PFKL: variants seen among roughly 807,000 people sequenced by gnomAD.
The protein encoded by PFKL is phosphofructokinase, liver type, also known as ATP-dependent 6-phosphofructokinase, liver type.
PFKL carries 74 observed loss-of-function variants against 92.1 expected under a neutral mutation model. The ratio of observed to expected loss-of-function variants is 0.80; its 90% CI spans 0.67 to 0.97. The LOEUF (loss-of-function observed/expected upper bound fraction) is 0.97, where lower values mean the gene tolerates loss of function less well. Ranked by LOEUF, PFKL falls within the 50% of genes least tolerant of loss-of-function variation. PFKL has a pLI of 0.00. For synonymous variants in PFKL, 494 were observed against 456.4 expected (o/e 1.08, Z -1.05); for missense variants, 1,028 against 1,116.6 (o/e 0.92, Z 1.13).
At chr21:44,324,791 C>G in intron 17 of PFKL, 65 bp from the exon 18 acceptor site, 1 of 1,583,784 alleles carries the variant, frequency 6.3e-7, no homozygotes, top group Admixed American at 1.7e-5. Flanking sequence ...GGCCCCGGAT[C>G]GCCGGTCAGC....
intron 2 of PFKL, chr21:44,307,371 A>G: frequency 1.1e-6 from 1 of 920,486 alleles, no homozygotes; most frequent in Non-Finnish European, 1.3e-6. Context: ...GTGCACACAC[A>G]GGCGCATTCA....
At chr21:44,304,206 C>G in intron 1 of PFKL, 1 of 1,287,870 alleles carries the variant, frequency 7.8e-7, no homozygotes, top group South Asian at 1.2e-5. Context: ...GCAGAGCACC[C>G]TGAAGACATT....
intron 16 of PFKL, among the ~76,000 whole-genome samples, chr21:44,324,225 C>T (rs2047434771): frequency 6.6e-6 from 1 of 152,104 alleles, no homozygotes; most frequent in Non-Finnish European, 1.5e-5. Context: ...TCCAAGGGTG[C>T]CAGGGACACC....
chr21:44,325,127 G>A (rs200025104), intron 18 of PFKL, 26 bp from the exon 19 acceptor site: 239 of 1,506,516 alleles, frequency 1.6e-4, no homozygotes, highest in African/African-American at 4.4e-4. Flanking sequence ...CGTTCCCGCC[G>A]ACTCAGGCCC....
chr21:44,322,045 C>T (rs551644121), intron 13 of PFKL, 88 bp from the exon 14 acceptor site: 19 of 1,492,116 alleles, frequency 1.3e-5, no homozygotes, highest in African/African-American at 2.8e-5. Flanking sequence ...ATGCCCAACA[C>T]TGGCTGGCCC....
chr21:44,307,321 C>A, intron 2 of PFKL: 1 of 985,134 alleles, frequency 1.0e-6, no homozygotes, highest in Non-Finnish European at 1.2e-6. Context: ...GCTCGCCCTC[C>A]GTCCTGGGTA....
chr21:44,302,387 G>T (rs1243912992), intron 1 of PFKL, among the ~76,000 whole-genome samples: 5 of 152,228 alleles, frequency 3.3e-5, no homozygotes. Context: ...GGGCGAGTAG[G>T]ATGGGAGGAA....
intron 19 of PFKL, 78 bp downstream of exon 19, chr21:44,325,342 G>A: frequency 1.0e-6 from 1 of 999,726 alleles, no homozygotes. Context: ...AGGGGTCCCA[G>A]CCCTCACGGG....
chr21:44,318,421 T>C, intron 9 of PFKL, 49 bp from the exon 10 acceptor site: 1 of 1,416,468 alleles, frequency 7.1e-7, no homozygotes, highest in Non-Finnish European at 9.3e-7. Context: ...GCATGTGGCT[T>C]GGGGTAGAGG....
At position 44,318,614 on chromosome 21, in the gene PFKL, C is replaced by T. The variant is rs376218883; in HGVS notation, c.1062+19C>T. On this transcript the variant is annotated intron_variant, in intron 10 of 21. Transcript: ENST00000349048. ...GCAGATGGTAAGCCCTGGGCCCCCCCCATCAGAACCGCCTGGCCCCTCTCC... is the reference window on the plus strand; with the variant it reads ...GCAGATGGTAAGCCCTGGGCCCCCCTCATCAGAACCGCCTGGCCCCTCTCC... 6.2e-6 allele frequency: 9 copies of T among 1,452,482 alleles called. No individual in the cohort carries two copies. In the African/African-American group the frequency reaches 8.6e-5, roughly 14 times the overall value. 90.0% of individuals were successfully genotyped at this position (1,452,482 alleles called of 1,614,324 possible). A position where few individuals can be genotyped will look rare whatever the true frequency, so the allele number is the denominator to read the frequency against.
chr21:44,319,224 C>A, intron 10 of PFKL, 127 bp from the exon 11 acceptor site: 1 of 766,290 alleles, frequency 1.3e-6, no homozygotes, highest in South Asian at 1.5e-5. Flanking sequence ...GGAGAGGCTG[C>A]CAGGCCTGGG....
chr21:44,323,470 G>T (rs1296546189), intron 15 of PFKL, among the ~76,000 whole-genome samples: 1 of 152,146 alleles, frequency 6.6e-6, no homozygotes, highest in Non-Finnish European at 1.5e-5. Flanking sequence ...ACTAAATAAT[G>T]AATAAATGAC....
intron 9 of PFKL, 47 bp from the exon 10 acceptor site, chr21:44,318,423 G>A: frequency 3.5e-6 from 5 of 1,441,966 alleles, no homozygotes; most frequent in Non-Finnish European, 4.6e-6. Context: ...ATGTGGCTTG[G>A]GGTAGAGGGA....
intron 2 of PFKL, among the ~76,000 whole-genome samples, chr21:44,308,619 T>C (rs1398568065): frequency 1.3e-5 from 2 of 149,090 alleles, no homozygotes; most frequent in Non-Finnish European, 3.0e-5. Context: ...TGGAGCGCAG[T>C]GGCACAATCT....
Position 44,313,551 on chromosome 21 carries a change from A to C in PFKL, c.594-87A>C, listed in dbSNP as rs567873298. On this transcript the variant is annotated intron_variant, in intron 5 of 21. Coordinates refer to ENST00000349048, the MANE Select transcript of PFKL (RefSeq NM_002626.6). ...CTGTCCCCTGCCTGCCTCTCCATCCACTGGGTCCCTTGAGCACCCCGCAGG... is the reference window on the plus strand; with the variant it reads ...CTGTCCCCTGCCTGCCTCTCCATCCCCTGGGTCCCTTGAGCACCCCGCAGG... 26 of 1,313,448 alleles carry C rather than the reference A, an allele frequency of 2.0e-5. No individual in the cohort carries two copies. In the Admixed American group the frequency reaches 4.5e-4, roughly 23 times the overall value. 81.4% of individuals were successfully genotyped at this position (1,313,448 alleles called of 1,614,324 possible). A position where few individuals can be genotyped will look rare whatever the true frequency, so the allele number is the denominator to read the frequency against.
In PFKL at chr21:44,307,349, G is replaced by C. The variant is rs930320783; in HGVS notation, c.159+595G>C. On this transcript the variant is annotated intron_variant, in intron 2 of 21. Transcript: ENST00000349048. ...CCTGGGTATTTACACACCCACACTT[G>C]CGCTCACACATGTGCACACACAGGC... 18 of 979,410 alleles carry C rather than the reference G, an allele frequency of 1.8e-5. No individual in the cohort carries two copies. The African/African-American group carries it at 3.2e-4, about 17-fold the overall frequency. The allele number at this position is 979,410 out of a possible 1,614,324, so 60.7% of individuals were successfully genotyped here. A position where few individuals can be genotyped will look rare whatever the true frequency, so the allele number is the denominator to read the frequency against.
chr21:44,325,967 G>C lies in PFKL; in HGVS notation c.1996G>C (p.Ala666Pro). Residue 666 changes from alanine (A) to proline (P), a missense_variant, in exon 20 of 22, where the codon GCT becomes CCT. By Grantham distance (27) the Ala-to-Pro change is conservative. Transcript: ENST00000349048. ...GGGCCTCACCTGTTTCCAGGGTGGC[G>C]CTCCAACCCCCTTTGACCGGAACTA... ...NVLGHLQQGG[A>P]PTPFDRNYGT... 6.2e-7 allele frequency: 1 copy of C among 1,612,808 alleles called. No homozygotes were observed. The highest frequency in any genetic ancestry group is 8.5e-7 in the Non-Finnish European group (1 of 1,179,430).
intron 10 of PFKL, among the ~76,000 whole-genome samples, 154 bp downstream of exon 10, chr21:44,318,749 AGGGATGTGAGCACATCCCTGGGT>A: frequency 6.9e-6 from 1 of 145,022 alleles, no homozygotes; most frequent in Non-Finnish European, 1.5e-5. Flanking sequence ...CAGGGAGGGG[AGGGATGTGAGCACATCCCTGGGT>A]GGGACGTGGG....
chr21:44,317,245 T>A (rs1200163057), intron 9 of PFKL, among the ~76,000 whole-genome samples: 1 of 152,188 alleles, frequency 6.6e-6, no homozygotes, highest in Non-Finnish European at 1.5e-5. Flanking sequence ...GTGGGACTTG[T>A]GCTGAGGGAG....
Sources: allele counts gnomAD v4.1 joint callset (sites outside exome capture counted in the v4.1 genomes callset), GRCh38; gene constraint gnomAD v4.1.1; transcripts MANE v1.5; gene names NCBI Gene and HGNC (gene_info 2026-07-23, HGNC 2026-07-21).